Variants in CNTN1 observed in about 807,000 individuals in gnomAD.
CNTN1 encodes contactin-1.
CNTN1 carries 38 observed loss-of-function variants against 126.4 expected under a neutral mutation model. The observed-to-expected ratio is 0.30, with a 90% CI of 0.23 to 0.39. The LOEUF (loss-of-function observed/expected upper bound fraction) is 0.39, where lower values mean the gene tolerates loss of function less well. CNTN1 is among the 10% of genes least tolerant of loss of function. The probability of loss-of-function intolerance (pLI) is 1.00; values close to 1 mark genes in which losing one functional copy is unlikely to be tolerated. For missense variants in CNTN1, 1,009 were observed against 1,248.4 expected, an observed-to-expected ratio of 0.81 and a Z score of 2.89; for synonymous variants, 413 against 422.6, an observed-to-expected ratio of 0.98 and a Z score of 0.28.
intron 3 of CNTN1, among the ~76,000 whole-genome samples, chr12:40,917,748 T>C (rs977221461): frequency 6.6e-6 from 1 of 152,112 alleles, no homozygotes; most frequent in Admixed American, 6.6e-5. Flanking sequence ...GCCGCAGTGG[T>C]GGCATGTGAA....
chr12:40,873,664 T>A (rs1943578952), intron 1 of CNTN1, among the ~76,000 whole-genome samples: 1 of 152,178 alleles, frequency 6.6e-6, no homozygotes, highest in Non-Finnish European at 1.5e-5. Flanking sequence ...TGCCCAAGGA[T>A]CTTCCTTTTA....
At chr12:40,929,582 G>A (rs182604094) in intron 6 of CNTN1, among the ~76,000 whole-genome samples, 1 of 152,092 alleles carries the variant, frequency 6.6e-6, no homozygotes, top group East Asian at 1.9e-4. Context: ...AATAGAAATA[G>A]ATAAATAGAT....
chr12:40,768,326 G>A (rs1352709402), intron 1 of CNTN1, among the ~76,000 whole-genome samples: 3 of 152,200 alleles, frequency 2.0e-5, no homozygotes, highest in Non-Finnish European at 2.9e-5. Flanking sequence ...CCGCGAGCCC[G>A]CAGATCTTTG....
At chr12:40,825,400 C>A (rs1270785403) in intron 1 of CNTN1, among the ~76,000 whole-genome samples, 1 of 151,992 alleles carries the variant, frequency 6.6e-6, no homozygotes, top group East Asian at 1.9e-4. Context: ...GATTTATACC[C>A]AAATTGGCTT....
intron 1 of CNTN1, among the ~76,000 whole-genome samples, chr12:40,705,386 C>T (rs986728843): frequency 1.3e-5 from 2 of 152,286 alleles, no homozygotes; most frequent in Admixed American, 1.3e-4. Flanking sequence ...ATATACTTTA[C>T]TTATCATAAA....
intron 19 of CNTN1, among the ~76,000 whole-genome samples, chr12:41,018,438 G>T (rs539464226): frequency 6.6e-6 from 1 of 152,038 alleles, no homozygotes; most frequent in Admixed American, 6.5e-5. Flanking sequence ...TTTAGTATTT[G>T]TTAAAAATGT....
At chr12:40,752,783 C>A (rs1938454277) in intron 1 of CNTN1, among the ~76,000 whole-genome samples, 2 of 151,962 alleles carry the variant, frequency 1.3e-5, no homozygotes, top group African/African-American at 2.4e-5. Flanking sequence ...TTTTTAGATA[C>A]CCTTGATTTA....
intron 1 of CNTN1, among the ~76,000 whole-genome samples, chr12:40,851,864 A>G (rs1347257449): frequency 6.6e-6 from 1 of 152,174 alleles, no homozygotes; most frequent in Non-Finnish European, 1.5e-5. Flanking sequence ...CTGTGCAAGT[A>G]TAGTCAGGAT....
intron 1 of CNTN1, among the ~76,000 whole-genome samples, chr12:40,765,287 A>G (rs1565703630): frequency 6.6e-6 from 1 of 152,160 alleles, no homozygotes; most frequent in Non-Finnish European, 1.5e-5. Context: ...GGTTCGAGTA[A>G]TATGTCAAAT....
chr12:40,904,433 T>TTTTC (rs140071815), intron 1 of CNTN1, among the ~76,000 whole-genome samples: 65 of 149,918 alleles, frequency 4.3e-4, no homozygotes, highest in African/African-American at 1.6e-3. Flanking sequence ...TTTTTTTCTT[T>TTTTC]TTTCTTTCTT....
chr12:40,829,725 G>A (rs1941744246), intron 1 of CNTN1, among the ~76,000 whole-genome samples: 1 of 152,054 alleles, frequency 6.6e-6, no homozygotes, highest in Non-Finnish European at 1.5e-5. Context: ...TTTTTCCTTA[G>A]GGAGGGGAAA....
intron 23 of CNTN1, among the ~76,000 whole-genome samples, chr12:41,066,753 C>G (rs1318981475): frequency 6.6e-6 from 1 of 152,078 alleles, no homozygotes; most frequent in Non-Finnish European, 1.5e-5. Flanking sequence ...CAGTACTGCT[C>G]AACTTTTAAT....
At chr12:40,853,635 T>A (rs995283738) in intron 1 of CNTN1, among the ~76,000 whole-genome samples, 1 of 152,038 alleles carries the variant, frequency 6.6e-6, no homozygotes, top group Non-Finnish European at 1.5e-5. Flanking sequence ...AAACAAGAGA[T>A]ATACAAGATA....
chr12:40,997,090 C>T (rs17128995), intron 17 of CNTN1, among the ~76,000 whole-genome samples: 2,063 of 152,258 alleles, frequency 0.014, 49 homozygotes, highest in African/African-American at 0.047. Context: ...GATTCAGACA[C>T]GTGCATTATA....
At chr12:40,739,313 T>G (rs1232014457) in intron 1 of CNTN1, among the ~76,000 whole-genome samples, 1 of 152,198 alleles carries the variant, frequency 6.6e-6, no homozygotes, top group Non-Finnish European at 1.5e-5. Flanking sequence ...AAAAGCTAGT[T>G]GCAGAATGAA....
chr12:40,978,925 CTTT>C (rs1947752565), intron 15 of CNTN1: 3 of 152,040 alleles, frequency 2.0e-5, no homozygotes, highest in Admixed American at 2.0e-4. Context: ...TTGAGAAATT[CTTT>C]TATTATTCAC....
chr12:41,002,718 C>T (rs536826612), intron 17 of CNTN1, among the ~76,000 whole-genome samples: 4 of 151,828 alleles, frequency 2.6e-5, no homozygotes, highest in Middle Eastern at 6.8e-3. Context: ...CCACCACGCT[C>T]GGCTAATTCT....
In CNTN1 at chr12:40,918,625, C is replaced by A; in HGVS notation, c.95-14C>A. 1.2e-6 allele frequency: 2 copies of A among 1,610,762 alleles called. No homozygotes were observed. The highest frequency in any genetic ancestry group is 1.7e-6 in the Non-Finnish European group (2 of 1,177,434). ...AAAGCAGTACAATGTAAAACAATTT[C>A]ATATTTCTTGTAGTTTCTGAGGAAG... On this transcript the variant is annotated splice_polypyrimidine_tract_variant and intron_variant, in intron 3 of 23. Coordinates refer to ENST00000551295, the MANE Select transcript of CNTN1 (RefSeq NM_001843.4).
intron 14 of CNTN1, among the ~76,000 whole-genome samples, chr12:40,948,742 A>T (rs1014634333): frequency 6.6e-6 from 1 of 152,216 alleles, no homozygotes; most frequent in South Asian, 2.1e-4. Context: ...ACAAGGCAAT[A>T]CTGTTCAATT....
Sources: allele counts gnomAD v4.1 joint callset (sites outside exome capture counted in the v4.1 genomes callset), GRCh38; gene constraint gnomAD v4.1.1; transcripts MANE v1.5; gene names NCBI Gene and HGNC (gene_info 2026-07-23, HGNC 2026-07-21).